Variants in EIF4A1 observed in about 807,000 individuals in gnomAD.
EIF4A1 encodes eukaryotic initiation factor 4A-I.
EIF4A1 carries 11 observed loss-of-function variants against 53.5 expected under a neutral mutation model. The ratio of observed to expected loss-of-function variants is 0.21; its 90% confidence interval spans 0.13 to 0.34. The LOEUF (loss-of-function observed/expected upper bound fraction) is 0.34. EIF4A1 is among the 10% of genes least tolerant of loss of function. The pLI, the probability that EIF4A1 is intolerant of heterozygous loss-of-function variation, is 1.00. For synonymous variants in EIF4A1, 237 were observed against 186.7 expected (o/e 1.27, Z -2.20); for missense variants, 213 against 530.8 (o/e 0.40, Z 5.88).
At position 7,574,606 on chromosome 17, in the gene EIF4A1, C is replaced by T. The variant is rs1400990316; in HGVS notation, c.133C>T (p.Arg45Cys). ...DDMNLSESLL[R>C]GIYAYGFEKP... The stretch of plus-strand genomic sequence containing the variant: ...CATGAACCTCTCGGAGTCCCTTCTC[C>T]GTGGCATCTACGCGTATGGTTTTGA... The change falls in exon 3 of 11, where the codon CGT (arginine) becomes TGT (cysteine). Residue 45 changes from arginine to cysteine, a missense_variant. By Grantham distance (180) the Arg-to-Cys change is radical (BLOSUM62 -3). Coordinates refer to ENST00000293831, the MANE Select transcript of EIF4A1 (RefSeq NM_001416.4). 1.2e-6 allele frequency: 2 copies of T among 1,612,242 alleles called. No homozygotes were observed. The highest frequency in any genetic ancestry group is 1.3e-5 in the African/African-American group (1 of 74,944).
chr17:7,573,130 C>G, intron 1 of EIF4A1: 1 of 599,596 alleles, frequency 1.7e-6, no homozygotes, highest in South Asian at 2.0e-5. Context: ...TGCGCGAAGC[C>G]CCGGCGCTGA....
chr17:7,576,186 T>G, intron 4 of EIF4A1: 1 of 185,944 alleles, frequency 5.4e-6, no homozygotes, highest in Admixed American at 6.1e-5. Context: ...AAAAAAAAAA[T>G]GGTTGCTGCG....
At chr17:7,572,970 G>A (rs2071343484) in intron 1 of EIF4A1, 106 bp downstream of exon 1, 7 of 1,598,538 alleles carry the variant, frequency 4.4e-6, no homozygotes, top group Admixed American at 1.7e-5. Flanking sequence ...GGGAGAAACC[G>A]AACCGGGTGG....
intron 2 of EIF4A1, 108 bp from the exon 3 acceptor site, chr17:7,574,438 T>C: frequency 6.2e-7 from 1 of 1,602,648 alleles, no homozygotes; most frequent in Non-Finnish European, 8.5e-7. Flanking sequence ...AGGAGGGTTG[T>C]AAGCTCTGAG....
intron 10 of EIF4A1, 28 bp from the exon 11 acceptor site, chr17:7,578,314 A>G (rs758236747): frequency 6.2e-7 from 1 of 1,613,406 alleles, no homozygotes; most frequent in Non-Finnish European, 8.5e-7. Context: ...AGCTCCTGAT[A>G]TTCCTCATCC....
intron 4 of EIF4A1, chr17:7,576,120 G>T (rs2071398319): frequency 6.4e-6 from 1 of 156,858 alleles, no homozygotes; most frequent in Non-Finnish European, 1.4e-5. Flanking sequence ...AGTGAGCTGA[G>T]ATTGTGCCAT....
rs762830074 is a variant in EIF4A1, at chr17:7,576,712, A to G, written c.514+20A>G. 1.3e-6 allele frequency: 2 copies of G among 1,586,718 alleles called. No homozygotes were observed. Among genetic ancestry groups the G allele is most frequent in the Non-Finnish European group, 1.7e-6 (2 of 1,163,248 alleles). On this transcript the variant is annotated intron_variant, in intron 5 of 10. Transcript: ENST00000293831. ...ACCTGTGTGAGTAATTCGGTTCTCC[A>G]ATCCCCTGGGTCACTTTGCTCTTGT...
Position 7,577,999 on chromosome 17 carries a change from G to A in EIF4A1, c.996+83G>A. 1 of 1,589,376 alleles carries A rather than the reference G, an allele frequency of 6.3e-7. No homozygotes were observed. Among genetic ancestry groups the A allele is most frequent in the Non-Finnish European group, 8.6e-7 (1 of 1,157,854 alleles). On this transcript the variant is annotated intron_variant, in intron 9 of 10. Transcript: ENST00000293831. The surrounding 1 kb of genome is among the most constrained non-coding windows in gnomAD (Gnocchi z 4.7). ...CCAAGGGGACATCAGTGCCTCTCAGGAAAGTAGCAGCTTGGAATAGAATCT... is the reference window on the plus strand; with the variant it reads ...CCAAGGGGACATCAGTGCCTCTCAGAAAAGTAGCAGCTTGGAATAGAATCT...
In EIF4A1 at chr17:7,576,955, A is replaced by G. The variant is rs758873784; in HGVS notation, c.515-101A>G. 9.2e-6 allele frequency: 13 copies of G among 1,415,338 alleles called. No individual in the cohort carries two copies. In the South Asian group the frequency reaches 1.4e-4, roughly 15 times the overall value. 87.7% of individuals were successfully genotyped at this position (1,415,338 alleles called of 1,614,324 possible). On this transcript the variant is annotated intron_variant, in intron 5 of 10. Coordinates refer to ENST00000293831, the MANE Select transcript of EIF4A1 (RefSeq NM_001416.4). Reference sequence around the variant, plus strand: ...ATCAGTCTTTGTACTCTGAGAGCAGACTACTTGGCTCCTCTCTGTTTTTTA... The same window carrying G: ...ATCAGTCTTTGTACTCTGAGAGCAGGCTACTTGGCTCCTCTCTGTTTTTTA...
chr17:7,578,433 T>C lies in EIF4A1; in HGVS notation c.1168T>C (p.Phe390Leu). 6.2e-7 allele frequency: 1 copy of C among 1,613,540 alleles called. No individual in the cohort carries two copies. The highest frequency in any genetic ancestry group is 8.5e-7 in the Non-Finnish European group (1 of 1,179,678). The stretch of plus-strand genomic sequence containing the variant: ...GAGGACTCTTCGAGACATTGAGACC[T>C]TCTACAACACCTCCATTGAGGAAAT... Reference protein sequence around the residue: ...DKRTLRDIETFYNTSIEEMPL... With the variant: ...DKRTLRDIETLYNTSIEEMPL... The change falls in exon 11 of 11, where the codon TTC becomes CTC. Residue 390 changes from phenylalanine to leucine, a missense_variant. Physicochemically the swap from Phe to Leu is conservative, Grantham distance 22 (BLOSUM62 0). Around this residue, in one of 4 missense-constraint regions of EIF4A1, gnomAD observed 28 missense variants for 42.5 expected, o/e 0.66. Coordinates refer to ENST00000293831, the MANE Select transcript of EIF4A1 (RefSeq NM_001416.4).
intron 2 of EIF4A1, 99 bp downstream of exon 2, chr17:7,574,407 G>A: frequency 1.2e-6 from 2 of 1,606,690 alleles, no homozygotes; most frequent in Non-Finnish European, 1.7e-6. Flanking sequence ...TCATCTAGAA[G>A]CAGCTGGTTT....
intron 3 of EIF4A1, 23 bp from the exon 4 acceptor site, chr17:7,575,096 C>G: frequency 6.2e-7 from 1 of 1,611,122 alleles, no homozygotes; most frequent in Non-Finnish European, 8.5e-7. Flanking sequence ...TTACCACATT[C>G]AACTCCTAAT....
intron 5 of EIF4A1, 77 bp downstream of exon 5, chr17:7,576,769 A>T: frequency 6.4e-7 from 1 of 1,556,124 alleles, no homozygotes; most frequent in Non-Finnish European, 8.7e-7. Flanking sequence ...CGTAAGCCAG[A>T]GTCATTCCCA....
rs1198653742 is a variant in EIF4A1, at chr17:7,576,511, T to C, written c.346-13T>C. ...GGTAACTGACATATGAGCACCTGCC[T>C]CTCTCTGCTCAGATACAGAAGGTGG... On this transcript the variant is annotated splice_polypyrimidine_tract_variant and intron_variant, in intron 4 of 10. Coordinates refer to ENST00000293831, the MANE Select transcript of EIF4A1 (RefSeq NM_001416.4). 2 of 1,549,988 alleles carry C rather than the reference T, an allele frequency of 1.3e-6. No individual in the cohort carries two copies. The highest frequency in any genetic ancestry group is 1.4e-5 in the African/African-American group (1 of 72,562).
intron 1 of EIF4A1, chr17:7,573,719 G>C (rs545340927): frequency 6.4e-5 from 10 of 156,536 alleles, no homozygotes; most frequent in African/African-American, 2.4e-4. Context: ...CCCTTTGCTA[G>C]CTCGGCTTGG....
Position 7,574,684 on chromosome 17 carries a change from A to G in EIF4A1, c.205+6A>G. 2.5e-6 allele frequency: 4 copies of G among 1,612,110 alleles called. No individual in the cohort carries two copies. The highest frequency in any genetic ancestry group is 2.5e-6 in the Non-Finnish European group (3 of 1,179,964). On this transcript the variant is annotated splice_donor_region_variant and intron_variant, in intron 3 of 10. Coordinates refer to ENST00000293831, the MANE Select transcript of EIF4A1 (RefSeq NM_001416.4). ...CATTCTACCTTGTATCAAGGGTGAG[A>G]CCTCTCAGTCCCAGAAGACATTGTG...
intron 4 of EIF4A1, 135 bp downstream of exon 4, chr17:7,575,393 G>T (rs768797679): frequency 1.6e-6 from 2 of 1,284,946 alleles, no homozygotes; most frequent in African/African-American, 2.9e-5. Flanking sequence ...AGACCTGCTG[G>T]GTTAATTAAA....
rs771501847 is a variant in EIF4A1, at chr17:7,577,883, C to T, written c.963C>T (p.Gly321=). The change falls in exon 9 of 11, where the codon GGC becomes GGT. Residue 321 remains glycine, a synonymous_variant. Coordinates refer to ENST00000293831, the MANE Select transcript of EIF4A1 (RefSeq NM_001416.4). This position sits in a 1 kb window ranked among gnomAD's most constrained non-coding sequence, Gnocchi z 4.7. The part of the protein sequence containing the change: ...RDVIMREFRS[G]SSRVLITTDL... ...TGATTATGAGGGAGTTTCGTTCTGG[C>T]TCTAGCAGAGTTTTGATTACCACTG... 5.0e-6 allele frequency: 8 copies of T among 1,614,186 alleles called. No individual in the cohort carries two copies. The Admixed American group carries it at 1.2e-4, about 24-fold the overall frequency.
In EIF4A1 at chr17:7,576,888, C is replaced by T. The variant is rs768083076; in HGVS notation, c.515-168C>T. ...TGCAGCCCTGGCAGTGTCCTACTTCCCAGGGCTGTTGTCTGCCTGGCGGGA... is the reference window on the plus strand; with the variant it reads ...TGCAGCCCTGGCAGTGTCCTACTTCTCAGGGCTGTTGTCTGCCTGGCGGGA... On this transcript the variant is annotated intron_variant, in intron 5 of 10. Coordinates refer to ENST00000293831, the MANE Select transcript of EIF4A1 (RefSeq NM_001416.4). 33 of 1,334,630 alleles carry T rather than the reference C, an allele frequency of 2.5e-5. 1 individual carries two copies. The South Asian group carries it at 3.8e-4, about 15-fold the overall frequency. The allele number at this position is 1,334,630 out of a possible 1,614,324, so 82.7% of individuals were successfully genotyped here.
Sources: gnomAD v4.1 joint callset for allele counts on GRCh38, gnomAD v4.1.1 for gene constraint, gnomAD v4.1.1 regional missense constraint, Gnocchi (gnomAD v3.1) non-coding constraint, MANE v1.5 for transcripts, NCBI Gene and HGNC (gene_info 2026-07-23, HGNC 2026-07-21) for gene names.